SH3TC1: variants seen among roughly 807,000 people sequenced by gnomAD.
The protein encoded by SH3TC1 is SH3 domain and tetratricopeptide repeat-containing protein 1.
Under a neutral mutation model 117.3 loss-of-function variants are expected in SH3TC1, and 135 were observed. That is an observed-to-expected ratio of 1.15 (90% CI 1.00 to 1.33). The LOEUF (loss-of-function observed/expected upper bound fraction) is 1.33, where lower values mean the gene tolerates loss of function less well. Ranked by LOEUF, SH3TC1 falls within the 40% of genes most tolerant of loss-of-function variation. SH3TC1 has a pLI of 0.00. For missense variants in SH3TC1, 2,092 were observed against 1,794.3 expected, an observed-to-expected ratio of 1.17 and a Z score of -3.00; for synonymous variants, 898 against 816.9, an observed-to-expected ratio of 1.10 and a Z score of -1.69.
Position 8,225,001 on chromosome 4 carries a change from C to T in SH3TC1, c.1244-174C>T, listed in dbSNP as rs1578712027. Reference sequence around the variant, plus strand: ...GACCCTGCAACACCTCAGCCTGCAACACCTGCACCCTGCAACACTCCAGCC... The same window carrying T: ...GACCCTGCAACACCTCAGCCTGCAATACCTGCACCCTGCAACACTCCAGCC... On this transcript the variant is annotated intron_variant, in intron 10 of 17. Transcript: ENST00000245105. The surrounding 1 kb of genome is among the most constrained non-coding windows in gnomAD (Gnocchi z 5.5). 3 of 738,058 alleles carry T rather than the reference C, an allele frequency of 4.1e-6. No homozygotes were observed. In the East Asian group the frequency reaches 8.2e-5, roughly 20 times the overall value. The allele number at this position is 738,058 out of a possible 1,614,324, so 45.7% of individuals were successfully genotyped here. A position where few individuals can be genotyped will look rare whatever the true frequency, so the allele number is the denominator to read the frequency against.
In SH3TC1 at chr4:8,212,503, G is replaced by T. The variant is rs73798661; in HGVS notation, c.248-198G>T. On this transcript the variant is annotated intron_variant, in intron 3 of 17. Transcript: ENST00000245105. ...TCACCCCGAAAGAAACAGGCTGGGA[G>T]CTAGGCAGTGGTCCAAGGCCTTTAT... Among the ~76,000 whole-genome samples, 1,378 of 152,350 alleles carry T rather than the reference G, an allele frequency of 9.0e-3. 20 individuals carry two copies. Among genetic ancestry groups the T allele is most frequent in the African/African-American group, 0.032 (1,314 of 41,574 alleles).
intron 1 of SH3TC1, among the ~76,000 whole-genome samples, chr4:8,184,764 C>T (rs1252715679): frequency 6.6e-6 from 1 of 152,200 alleles, no homozygotes; most frequent in African/African-American, 2.4e-5. Context: ...AACTTTCTTC[C>T]TCTCACTTCA....
At chr4:8,236,663 G>T in intron 16 of SH3TC1, 1 of 457,326 alleles carries the variant, frequency 2.2e-6, no homozygotes, top group South Asian at 5.8e-5. Flanking sequence ...TCCCCCTGCT[G>T]ACCACGAGGG....
At chr4:8,198,402 T>C (rs114683965), upstream of SH3TC1, among the ~76,000 whole-genome samples, 2,417 of 152,314 alleles carry the variant, frequency 0.016, 77 homozygotes, top group African/African-American at 0.055. Context: ...TTCCTAGAGC[T>C]GGGCCGGAGC....
intron 2 of SH3TC1, among the ~76,000 whole-genome samples, chr4:8,207,815 G>A (rs959095649): frequency 1.3e-5 from 2 of 152,094 alleles, no homozygotes; most frequent in South Asian, 2.1e-4. Flanking sequence ...CCCTGGGATC[G>A]GCCATATCCA....
intron 6 of SH3TC1, 70 bp downstream of exon 6, chr4:8,216,327 C>A: frequency 6.4e-7 from 1 of 1,552,484 alleles, no homozygotes; most frequent in South Asian, 1.2e-5. Context: ...GGGTGACAGC[C>A]TGGATCCCGC....
Position 8,227,953 on chromosome 4 carries a change from G to C in SH3TC1, c.2259G>C (p.Gln753His), listed in dbSNP as rs760984720. The C allele has an allele frequency of 3.1e-6, 5 of 1,612,400 alleles. No individual in the cohort carries two copies. In the South Asian group the frequency reaches 5.5e-5, roughly 18 times the overall value. Residue 753 changes from glutamine to histidine, a missense_variant, in exon 12 of 18, where the codon CAG (glutamine) becomes CAC (histidine). Coordinates refer to ENST00000245105, the MANE Select transcript of SH3TC1 (RefSeq NM_018986.5). ...TGAGGAGTGTGAACCTGGTGCTCCA[G>C]AACGCCCCCCAGCCCCACAGCCTCC... ...GSLRSVNLVL[Q>H]NAPQPHSLPA...
chr4:8,205,912 A>T lies in SH3TC1; in HGVS notation c.172+546A>T, dbSNP rs1718166030. On this transcript the variant is annotated intron_variant, in intron 2 of 17. Coordinates refer to ENST00000245105, the MANE Select transcript of SH3TC1 (RefSeq NM_018986.5). This position sits in a 1 kb window ranked among gnomAD's most constrained non-coding sequence, Gnocchi z 5.4. Reference sequence around the variant, plus strand: ...CTGAGACCCTGAAGGGGACGAGGGGAGAGGCAGGGGAGACCAAGGCCTGCA... The same window carrying T: ...CTGAGACCCTGAAGGGGACGAGGGGTGAGGCAGGGGAGACCAAGGCCTGCA... The T allele has an allele frequency of 1.9e-6, 1 of 530,524 alleles. No homozygotes were observed. The highest frequency in any genetic ancestry group is 1.9e-5 in the African/African-American group (1 of 52,596). The allele number at this position is 530,524 out of a possible 1,614,324, so 32.9% of individuals were successfully genotyped here.
At chr4:8,211,884 G>C (rs977387664) in intron 3 of SH3TC1, among the ~76,000 whole-genome samples, 8 of 152,274 alleles carry the variant, frequency 5.3e-5, no homozygotes, top group Admixed American at 2.0e-4. Context: ...GTGCCACAGG[G>C]ATGGCCCAGA....
chr4:8,212,131 C>T (rs1718795653), intron 3 of SH3TC1, among the ~76,000 whole-genome samples: 1 of 151,996 alleles, frequency 6.6e-6, no homozygotes. Context: ...GGGCCCTCTG[C>T]CCTCTGAGAG....
At position 8,227,942 on chromosome 4, in the gene SH3TC1, C is replaced by T. The variant is rs1184158854; in HGVS notation, c.2248C>T (p.Leu750=). The part of the protein sequence containing the change: ...SLAGSLRSVN[L]VLQNAPQPHS... ...GGCCGGCTCGCTGAGGAGTGTGAAC[C>T]TGGTGCTCCAGAACGCCCCCCAGCC... The change falls in exon 12 of 18, where the codon CTG becomes TTG. Residue 750 remains leucine, a synonymous_variant. Transcript: ENST00000245105. 6 of 1,612,664 alleles carry T rather than the reference C, an allele frequency of 3.7e-6. No individual in the cohort carries two copies. Among genetic ancestry groups the T allele is most frequent in the South Asian group, 1.1e-5 (1 of 91,086 alleles).
chr4:8,184,478 C>A (rs868668318), intron 1 of SH3TC1, among the ~76,000 whole-genome samples: 2 of 152,220 alleles, frequency 1.3e-5, no homozygotes, highest in Non-Finnish European at 2.9e-5. Flanking sequence ...CTCCCTGGCT[C>A]AAATAATCCT....
At chr4:8,218,202 T>A (rs762026429) in intron 7 of SH3TC1, 69 bp from the exon 8 acceptor site, 48 of 1,263,920 alleles carry the variant, frequency 3.8e-5, no homozygotes, top group Non-Finnish European at 4.7e-5. Context: ...GCCTGTCCAG[T>A]CTCTGCACAG....
At chr4:8,223,029 C>T (rs1411494963) in intron 10 of SH3TC1, 59 bp downstream of exon 10, 1 of 1,569,614 alleles carries the variant, frequency 6.4e-7, no homozygotes, top group Non-Finnish European at 8.7e-7. Flanking sequence ...TTCTGCAGCC[C>T]CTGCTGCCCT....
rs370874852 is a variant in SH3TC1 at position 8,212,724 on chromosome 4, G to A, written c.271G>A (p.Val91Met). 3.9e-5 allele frequency: 63 copies of A among 1,612,830 alleles called. No homozygotes were observed. The highest frequency in any genetic ancestry group is 4.8e-5 in the Non-Finnish European group (57 of 1,179,954). Residue 91 changes from valine (V) to methionine (M), a missense_variant, in exon 4 of 18, where the codon GTG (valine) becomes ATG (methionine). Physicochemically the swap from Val to Met is conservative, Grantham distance 21 (BLOSUM62 1). Transcript: ENST00000245105. ...AGACCTGACCCTGCAGCTGCTGGCTGTGCGGAGGAAGAGCAGACTGCGGGA... is the reference window on the plus strand; with the variant it reads ...AGACCTGACCCTGCAGCTGCTGGCTATGCGGAGGAAGAGCAGACTGCGGGA... ...PTDLTLQLLA[V>M]RRKSRLRDPG... is the part of the protein sequence containing the mutation.
chr4:8,240,714 C>CA lies in SH3TC1; in HGVS notation c.3770_3771insA (p.Gly1258ArgfsTer38), dbSNP rs1259427175. ...CCCCTTCAGGACCCGTTTGATGCAG[C>CA]CGGGTACTACCAGCTGGCGCTGGCA... On this transcript the variant is annotated frameshift_variant, in exon 18 of 18. Coordinates refer to ENST00000245105, the MANE Select transcript of SH3TC1 (RefSeq NM_018986.5). LOFTEE classifies it low-confidence loss of function (END_TRUNC). The CA allele has an allele frequency of 6.2e-7, 1 of 1,614,020 alleles. No individual in the cohort carries two copies. The highest frequency in any genetic ancestry group is 2.2e-5 in the East Asian group (1 of 44,882).
rs111820924 is a variant in SH3TC1 at position 8,233,100 on chromosome 4, C to T, written c.3132-263C>T. 2.0e-4 allele frequency: 257 copies of T among 1,308,288 alleles called. No homozygotes were observed. The African/African-American group carries it at 2.7e-3, about 14-fold the overall frequency. The allele number at this position is 1,308,288 out of a possible 1,614,324, so 81.0% of individuals were successfully genotyped here. On this transcript the variant is annotated intron_variant, in intron 13 of 17. Transcript: ENST00000245105. ...GAGAAGACACAGGCCATGTCTGGGA[C>T]GCGGGGGAGATGGACTAGCACGCTC...
rs759953830 is a variant in SH3TC1, at chr4:8,232,138, T to C, written c.3113T>C (p.Leu1038Pro). 2.9e-6 allele frequency: 4 copies of C among 1,359,582 alleles called. No homozygotes were observed. The highest frequency in any genetic ancestry group is 3.1e-5 in the African/African-American group (2 of 64,336). 84.2% of individuals were successfully genotyped at this position (1,359,582 alleles called of 1,614,324 possible). Reference protein sequence around the residue: ...QLLETISQLYLSLGTERAYKS... With the variant: ...QLLETISQLYPSLGTERAYKS... Reference sequence around the variant, plus strand: ...CTGGAGACCATCAGCCAGCTCTACCTGTCCCTGGGCACCGAGCGGTGAGGG... The same window carrying C: ...CTGGAGACCATCAGCCAGCTCTACCCGTCCCTGGGCACCGAGCGGTGAGGG... Residue 1038 changes from leucine (L) to proline (P), a missense_variant, in exon 13 of 18, where the codon CTG (leucine) becomes CCG (proline). Physicochemically the swap from Leu to Pro is moderately conservative, Grantham distance 98. Transcript: ENST00000245105.
Position 8,210,045 on chromosome 4 carries a change from G to A in SH3TC1, c.247+223G>A, listed in dbSNP as rs1281493354. 1.3e-5 allele frequency among the ~76,000 whole-genome samples: 2 copies of A among 152,208 alleles called. No homozygotes were observed. The highest frequency in any genetic ancestry group is 1.3e-4 in the Admixed American group (2 of 15,284). ...GGGGCTCCCCTAGGCATCCCTGTGT[G>A]CACCTGCACAAACGGCAGACACGGT... is the stretch of plus-strand genomic sequence containing the variant. On this transcript the variant is annotated intron_variant, in intron 3 of 17. Coordinates refer to ENST00000245105, the MANE Select transcript of SH3TC1 (RefSeq NM_018986.5). The surrounding 1 kb of genome is among the most constrained non-coding windows in gnomAD (Gnocchi z 4.1).
Sources: gnomAD v4.1 joint callset for allele counts (sites outside exome capture counted in the v4.1 genomes callset) on GRCh38, gnomAD v4.1.1 for gene constraint, Gnocchi (gnomAD v3.1) non-coding constraint, MANE v1.5 for transcripts, NCBI Gene and HGNC (gene_info 2026-07-23, HGNC 2026-07-21) for gene names.